CTDSPL: variants seen among roughly 807,000 people sequenced by gnomAD.
The protein encoded by CTDSPL is CTD small phosphatase like.
In CTDSPL, 8 loss-of-function variants were observed where a neutral mutation model predicts 30.5. That is an observed-to-expected ratio of 0.26 (90% CI 0.15 to 0.47). CTDSPL has a LOEUF of 0.47. Among genes scored for constraint, CTDSPL ranks in the 20% least tolerant of loss-of-function variants. The pLI is 0.99. For missense variants in CTDSPL, 248 were observed against 366.1 expected (o/e 0.68, Z 2.63); for synonymous variants, 110 against 137.9 (o/e 0.80, Z 1.42).
At chr3:37,951,476 G>T (rs1699107390) in intron 2 of CTDSPL, among the ~76,000 whole-genome samples, 1 of 152,126 alleles carries the variant, frequency 6.6e-6, no homozygotes, top group Admixed American at 6.5e-5. Flanking sequence ...AGAAGTTTGA[G>T]ACCAGCCTGG....
intron 2 of CTDSPL, among the ~76,000 whole-genome samples, chr3:37,951,238 G>A (rs1193087848): frequency 6.6e-6 from 1 of 152,118 alleles, no homozygotes; most frequent in Admixed American, 6.5e-5. Flanking sequence ...CATGGTGGCG[G>A]GCACCTGTAG....
intron 1 of CTDSPL, among the ~76,000 whole-genome samples, chr3:37,932,362 A>G (rs907216813): frequency 6.6e-6 from 1 of 152,252 alleles, no homozygotes; most frequent in Non-Finnish European, 1.5e-5. Context: ...AAACTTCTGC[A>G]GATCCGTAAC....
chr3:37,919,673 A>G (rs1481597395), intron 1 of CTDSPL, among the ~76,000 whole-genome samples: 1 of 152,190 alleles, frequency 6.6e-6, no homozygotes, highest in Non-Finnish European at 1.5e-5. Context: ...GAAGAAGCCT[A>G]CAGCGGAGGA....
At chr3:37,960,533 T>TACACACACACAC (rs1168321790) in intron 3 of CTDSPL, among the ~76,000 whole-genome samples, 1 of 33,570 alleles carries the variant, frequency 3.0e-5, no homozygotes, top group Non-Finnish European at 5.1e-5. Context: ...TATATATATA[T>TACACACACACAC]ATACACACAC....
rs1254106529 is a variant in CTDSPL, at chr3:37,983,397, G to GT, written c.*2536dup. 6.6e-6 allele frequency: 1 copy of GT among 152,598 alleles called. No individual in the cohort carries two copies. Among genetic ancestry groups the GT allele is most frequent in the African/African-American group, 2.4e-5 (1 of 41,424 alleles). The allele number at this position is 152,598 out of a possible 1,614,324, so 9.5% of individuals were successfully genotyped here. On this transcript the variant is annotated 3_prime_UTR_variant, in exon 8 of 8. Coordinates refer to ENST00000273179, the MANE Select transcript of CTDSPL (RefSeq NM_001008392.2). The stretch of plus-strand genomic sequence containing the variant: ...AATGAGACGAATGTTTGGGGTTTAT[G>GT]TTTTTTAAGGTAAATACGGGTATTG...
Position 37,964,554 on chromosome 3 carries a change from T to C in CTDSPL, c.268-17T>C. 1 of 1,570,226 alleles carries C rather than the reference T, an allele frequency of 6.4e-7. No individual in the cohort carries two copies. The highest frequency in any genetic ancestry group is 1.4e-5 in the African/African-American group (1 of 74,050). On this transcript the variant is annotated splice_polypyrimidine_tract_variant and intron_variant, in intron 3 of 7. Transcript: ENST00000273179. ...TCTTTTACATAAATGTAATACTGAT[T>C]TATTTTTCCCCTTTAGCCACCAGCT...
intron 7 of CTDSPL, among the ~76,000 whole-genome samples, chr3:37,976,530 G>A (rs1038030718): frequency 2.0e-5 from 3 of 151,860 alleles, no homozygotes; most frequent in African/African-American, 7.3e-5. Flanking sequence ...TACTCGGGAG[G>A]CTGAGGCAGG....
At chr3:37,976,140 T>A (rs1699425132) in intron 7 of CTDSPL, among the ~76,000 whole-genome samples, 1 of 152,166 alleles carries the variant, frequency 6.6e-6, no homozygotes. Context: ...GAGGTTGCAG[T>A]GTGGCAATAT....
chr3:37,887,836 G>A (rs772376562), intron 1 of CTDSPL, among the ~76,000 whole-genome samples: 6 of 152,224 alleles, frequency 3.9e-5, no homozygotes, highest in Non-Finnish European at 8.8e-5. Flanking sequence ...AAGCGATATA[G>A]TAATAGCTCC....
Position 37,862,285 on chromosome 3 carries a change from A to G in CTDSPL, c.79+7A>G, listed in dbSNP as rs1418011563. On this transcript the variant is annotated splice_region_variant and intron_variant, in intron 1 of 7. Transcript: ENST00000273179. This position sits in a 1 kb window ranked among gnomAD's most constrained non-coding sequence, Gnocchi z 4.3. ...CCGGGCGCGGGCGAGAAAGGTGAGG[A>G]GGGGCGCAGGCGGCCGCGGGCTGGG... 2.6e-5 allele frequency: 38 copies of G among 1,487,932 alleles called. No homozygotes were observed. The highest frequency in any genetic ancestry group is 3.3e-5 in the Non-Finnish European group (37 of 1,122,438). 92.2% of individuals were successfully genotyped at this position (1,487,932 alleles called of 1,614,324 possible). A position where few individuals can be genotyped will look rare whatever the true frequency, so the allele number is the denominator to read the frequency against.
rs147337874 is a variant in CTDSPL, at chr3:37,902,172, T to C, written c.79+39894T>C. Among the ~76,000 whole-genome samples, 228 of 152,336 alleles carry C rather than the reference T, an allele frequency of 1.5e-3. 1 individual carries two copies. Among genetic ancestry groups the C allele is most frequent in the Non-Finnish European group, 2.6e-3 (174 of 68,030 alleles). On this transcript the variant is annotated intron_variant, in intron 1 of 7. Transcript: ENST00000273179. ...CAGGGAAAAGCTTTAGGTGGGCACA[T>C]TGCCATCCCTAAGGAATCAGAGTTC...
chr3:37,938,185 A>G (rs939923890), intron 1 of CTDSPL, among the ~76,000 whole-genome samples: 1 of 149,954 alleles, frequency 6.7e-6, no homozygotes, highest in Non-Finnish European at 1.5e-5. Context: ...GTTTTAGGTC[A>G]GATCACAGAT....
intron 1 of CTDSPL, among the ~76,000 whole-genome samples, chr3:37,865,003 A>C (rs1047158812): frequency 6.6e-6 from 1 of 152,192 alleles, no homozygotes; most frequent in Admixed American, 6.5e-5. Context: ...TGATTCCATA[A>C]ATCTTTCTTT....
At position 37,982,097 on chromosome 3, in the gene CTDSPL, A is replaced by G; in HGVS notation, c.*1230A>G. On this transcript the variant is annotated 3_prime_UTR_variant, in exon 8 of 8. Transcript: ENST00000273179. ...CACTTAGGTGTAGCATGGATTTTAAACTGCAGTCAGTATCAGATCCTGTTT... is the reference window on the plus strand; with the variant it reads ...CACTTAGGTGTAGCATGGATTTTAAGCTGCAGTCAGTATCAGATCCTGTTT... 3.0e-6 allele frequency: 1 copy of G among 337,744 alleles called. No individual in the cohort carries two copies. The highest frequency in any genetic ancestry group is 5.9e-6 in the Non-Finnish European group (1 of 170,448). The allele number at this position is 337,744 out of a possible 1,614,324, so 20.9% of individuals were successfully genotyped here.
intron 1 of CTDSPL, among the ~76,000 whole-genome samples, chr3:37,905,593 C>A (rs184356347): frequency 0.016 from 2,424 of 152,324 alleles, 17 homozygotes; most frequent in Middle Eastern, 0.027. Flanking sequence ...CTTCCTTCCC[C>A]CCCTCCCTCC....
At chr3:37,934,570 G>A (rs1032183813) in intron 1 of CTDSPL, among the ~76,000 whole-genome samples, 3 of 152,194 alleles carry the variant, frequency 2.0e-5, no homozygotes, top group Non-Finnish European at 2.9e-5. Flanking sequence ...CTCTCCTTCT[G>A]AAAACTTACA....
intron 3 of CTDSPL, 87 bp downstream of exon 3, chr3:37,957,230 T>C: frequency 1.2e-6 from 1 of 858,764 alleles, no homozygotes; most frequent in Non-Finnish European, 1.8e-6. Flanking sequence ...TTTTTTTTAA[T>C]GTTATTGCTT....
intron 1 of CTDSPL, among the ~76,000 whole-genome samples, chr3:37,904,732 T>C (rs899876001): frequency 2.6e-5 from 4 of 152,160 alleles, no homozygotes; most frequent in African/African-American, 4.8e-5. Flanking sequence ...ATGGCCAGGA[T>C]ATATCTCCCT....
chr3:37,916,380 A>G (rs1279684339), intron 1 of CTDSPL, among the ~76,000 whole-genome samples: 1 of 152,158 alleles, frequency 6.6e-6, no homozygotes, highest in Non-Finnish European at 1.5e-5. Context: ...CTCCAAAAAG[A>G]TATGTTGAAG....
Sources: gnomAD v4.1 joint callset for allele counts (sites outside exome capture counted in the v4.1 genomes callset) on GRCh38, gnomAD v4.1.1 for gene constraint, Gnocchi (gnomAD v3.1) non-coding constraint, MANE v1.5 for transcripts, NCBI Gene and HGNC (gene_info 2026-07-23, HGNC 2026-07-21) for gene names.